Variants in SGPP2 observed in about 807,000 individuals in gnomAD.
The protein encoded by SGPP2 is sphingosine 1-phosphate phosphohydrolase 2.
Under a neutral mutation model 33.9 loss-of-function variants are expected in SGPP2, and 30 were observed. The observed-to-expected ratio is 0.89, with a 90% CI of 0.66 to 1.20. The LOEUF is 1.20. Ranked by LOEUF, SGPP2 falls within the 50% of genes most tolerant of loss-of-function variation. The probability of loss-of-function intolerance (pLI) is 0.00; values close to 1 mark genes in which losing one functional copy is unlikely to be tolerated. For synonymous variants in SGPP2, 233 were observed against 225.0 expected (o/e 1.04, Z -0.32); for missense variants, 458 against 532.1 (o/e 0.86, Z 1.37).
rs1283677110 is a variant in SGPP2 at position 222,560,629 on chromosome 2, G to C, written c.*1731G>C. 6.6e-6 allele frequency: 1 copy of C among 152,148 alleles called. No individual in the cohort carries two copies. Among genetic ancestry groups the C allele is most frequent in the Non-Finnish European group, 1.5e-5 (1 of 68,044 alleles). 9.4% of individuals were successfully genotyped at this position (152,148 alleles called of 1,614,324 possible). A position where few individuals can be genotyped will look rare whatever the true frequency, so the allele number is the denominator to read the frequency against. ...GTTTAGTGCCTGTAGGACTGAGCCAGTGCTTTATCAACCCAACACATCATC... is the reference window on the plus strand; with the variant it reads ...GTTTAGTGCCTGTAGGACTGAGCCACTGCTTTATCAACCCAACACATCATC... On this transcript the variant is annotated 3_prime_UTR_variant, in exon 5 of 5. Coordinates refer to ENST00000321276, the MANE Select transcript of SGPP2 (RefSeq NM_152386.4).
At chr2:222,542,449 G>A (rs1382530629) in intron 4 of SGPP2, among the ~76,000 whole-genome samples, 2 of 152,260 alleles carry the variant, frequency 1.3e-5, no homozygotes, top group African/African-American at 4.8e-5. Flanking sequence ...AAATTACTGG[G>A]TCCTGAGGCA....
At chr2:222,487,102 A>C (rs115930307) in intron 2 of SGPP2, among the ~76,000 whole-genome samples, 2 of 152,140 alleles carry the variant, frequency 1.3e-5, no homozygotes, top group African/African-American at 4.8e-5. Context: ...CTCATGATGA[A>C]TGTGTGAGAA....
At chr2:222,462,300 G>T (rs1412507093) in intron 1 of SGPP2, among the ~76,000 whole-genome samples, 2 of 152,170 alleles carry the variant, frequency 1.3e-5, no homozygotes, top group East Asian at 3.9e-4. Context: ...CCCAGCAGAA[G>T]TGAGTAGGGA....
intron 4 of SGPP2, among the ~76,000 whole-genome samples, chr2:222,543,357 A>C (rs10932959): frequency 3.1e-4 from 47 of 152,138 alleles, no homozygotes; most frequent in Non-Finnish European, 5.1e-4. Context: ...GACTTTATGC[A>C]TACAGTCGTT....
intron 4 of SGPP2, among the ~76,000 whole-genome samples, chr2:222,536,030 G>T (rs187785656): frequency 6.6e-6 from 1 of 152,216 alleles, no homozygotes. Context: ...ACACTACTGC[G>T]TGTTGTATTT....
chr2:222,455,181 A>G (rs1394840281), intron 1 of SGPP2, among the ~76,000 whole-genome samples: 1 of 151,330 alleles, frequency 6.6e-6, no homozygotes, highest in Non-Finnish European at 1.5e-5. Flanking sequence ...ACCAGCCTGG[A>G]CAACATAGTG....
intron 4 of SGPP2, among the ~76,000 whole-genome samples, chr2:222,537,558 T>C (rs1311702386): frequency 1.3e-5 from 2 of 152,180 alleles, no homozygotes; most frequent in Non-Finnish European, 2.9e-5. Context: ...AGATTGGTTT[T>C]AAAAAAAGAA....
rs1697966218 is a variant in SGPP2 at position 222,477,580 on chromosome 2, G to T, written c.378+2854G>T. Among the ~76,000 whole-genome samples the T allele has an allele frequency of 6.6e-6, 1 of 151,706 alleles. No homozygotes were observed. The highest frequency in any genetic ancestry group is 2.4e-5 in the African/African-American group (1 of 41,246). ...ATATATGTGTGAGTGTATGTATATA[G>T]GTGTGTGTATATATATGTGTGTGTG... is the stretch of plus-strand genomic sequence containing the variant. On this transcript the variant is annotated intron_variant, in intron 2 of 4. Coordinates refer to ENST00000321276, the MANE Select transcript of SGPP2 (RefSeq NM_152386.4). This position sits in a 1 kb window ranked among gnomAD's most constrained non-coding sequence, Gnocchi z 6.0.
chr2:222,436,970 T>G (rs966398751), intron 1 of SGPP2, among the ~76,000 whole-genome samples: 2 of 152,170 alleles, frequency 1.3e-5, no homozygotes, highest in African/African-American at 4.8e-5. Flanking sequence ...CCTCCATCAC[T>G]GCCTCCATGG....
intron 1 of SGPP2, among the ~76,000 whole-genome samples, chr2:222,432,034 G>A (rs541814416): frequency 1.3e-5 from 2 of 152,328 alleles, no homozygotes; most frequent in African/African-American, 4.8e-5. Flanking sequence ...TTAGGCTGAA[G>A]CCTTAATGTG....
At position 222,550,430 on chromosome 2, in the gene SGPP2, A is replaced by G. The variant is rs1328139848; in HGVS notation, c.649-7917A>G. 6.6e-6 allele frequency among the ~76,000 whole-genome samples: 1 copy of G among 152,198 alleles called. No homozygotes were observed. Among genetic ancestry groups the G allele is most frequent in the African/African-American group, 2.4e-5 (1 of 41,462 alleles). On this transcript the variant is annotated intron_variant, in intron 4 of 4. Transcript: ENST00000321276. The surrounding 1 kb of genome is among the most constrained non-coding windows in gnomAD (Gnocchi z 4.5). ...GATCCTGGAGTATAGAGAAGATAAT[A>G]GTCATCTGTAATGTCACAACACAGA...
chr2:222,458,989 A>G (rs988835254), intron 1 of SGPP2, among the ~76,000 whole-genome samples: 1 of 152,154 alleles, frequency 6.6e-6, no homozygotes, highest in Non-Finnish European at 1.5e-5. Flanking sequence ...GTGCTTCTCA[A>G]ACTTTAATGG....
intron 1 of SGPP2, among the ~76,000 whole-genome samples, chr2:222,438,292 C>T (rs1194570040): frequency 6.6e-6 from 1 of 152,222 alleles, no homozygotes; most frequent in South Asian, 2.1e-4. Context: ...ATTTCCCATC[C>T]TCTGGCACGC....
chr2:222,446,569 A>G (rs1485702333), intron 1 of SGPP2, among the ~76,000 whole-genome samples: 1 of 152,226 alleles, frequency 6.6e-6, no homozygotes, highest in South Asian at 2.1e-4. Context: ...GTATAAGTCC[A>G]TCTTTAGCTT....
chr2:222,485,514 T>C (rs529958992), intron 2 of SGPP2, among the ~76,000 whole-genome samples: 170 of 152,376 alleles, frequency 1.1e-3, no homozygotes, highest in African/African-American at 3.8e-3. Context: ...GCAGATCCTG[T>C]GGGCTTGTCA....
At chr2:222,516,719 A>G in intron 2 of SGPP2, among the ~76,000 whole-genome samples, 1 of 152,176 alleles carries the variant, frequency 6.6e-6, no homozygotes, top group Admixed American at 6.5e-5. Flanking sequence ...CCACGTCCTC[A>G]CCAACACTTG....
intron 1 of SGPP2, among the ~76,000 whole-genome samples, chr2:222,458,526 G>A (rs891999318): frequency 6.6e-6 from 1 of 152,094 alleles, no homozygotes; most frequent in Non-Finnish European, 1.5e-5. Context: ...AGATGAGATG[G>A]CCTTTAATGC....
At chr2:222,544,175 A>G (rs945804090) in intron 4 of SGPP2, among the ~76,000 whole-genome samples, 2 of 152,242 alleles carry the variant, frequency 1.3e-5, no homozygotes. Context: ...TGAGACATAG[A>G]GAAGTTAAGT....
chr2:222,463,262 AAAATCC>A (rs1697693270), intron 1 of SGPP2, among the ~76,000 whole-genome samples: 1 of 152,192 alleles, frequency 6.6e-6, no homozygotes, highest in African/African-American at 2.4e-5. Flanking sequence ...TCAAGAAAGG[AAAATCC>A]TTCCCAAGCA....
Sources: gnomAD v4.1 joint callset for allele counts (sites outside exome capture counted in the v4.1 genomes callset) on GRCh38, gnomAD v4.1.1 for gene constraint, Gnocchi (gnomAD v3.1) non-coding constraint, MANE v1.5 for transcripts, NCBI Gene and HGNC (gene_info 2026-07-23, HGNC 2026-07-21) for gene names.